Variants in SLC6A17 observed in about 807,000 individuals in gnomAD.
SLC6A17 encodes the protein sodium-dependent neutral amino acid transporter SLC6A17.
SLC6A17 carries 21 observed loss-of-function variants against 64.5 expected under a neutral mutation model. That is an observed-to-expected ratio of 0.33 (90% confidence interval 0.23 to 0.47). SLC6A17 has a LOEUF of 0.47. SLC6A17 is among the 20% of genes least tolerant of loss of function. The pLI is 1.00. For missense variants in SLC6A17, 682 were observed against 963.2 expected (o/e 0.71, Z 3.86); for synonymous variants, 372 against 399.5 (o/e 0.93, Z 0.82).
At chr1:110,174,691 C>T (rs1445396774) in intron 4 of SLC6A17, 88 bp from the exon 5 acceptor site, 2 of 1,503,576 alleles carry the variant, frequency 1.3e-6, no homozygotes, top group African/African-American at 2.8e-5. Context: ...GCTCCCTCAC[C>T]CACTGCTGCC....
intron 5 of SLC6A17, among the ~76,000 whole-genome samples, chr1:110,175,653 C>T (rs375802773): frequency 9.8e-5 from 15 of 152,336 alleles, no homozygotes; most frequent in Middle Eastern, 6.8e-3. Context: ...TAACATCACG[C>T]AGCCAGTCAG....
In SLC6A17 at chr1:110,200,451, G is replaced by A. The variant is rs1327559689; in HGVS notation, c.*2007G>A. The A allele has an allele frequency of 2.1e-5, 5 of 232,696 alleles. No individual in the cohort carries two copies. Among genetic ancestry groups the A allele is most frequent in the African/African-American group, 1.1e-4 (5 of 44,508 alleles). 14.4% of individuals were successfully genotyped at this position (232,696 alleles called of 1,614,324 possible). A position where few individuals can be genotyped will look rare whatever the true frequency, so the allele number is the denominator to read the frequency against. ...TAGCAACAGGAAAAGCAGAGCCCCA[G>A]GAGAGACACTCTACTATATATACTC... is the stretch of plus-strand genomic sequence containing the variant. On this transcript the variant is annotated 3_prime_UTR_variant, in exon 12 of 12. Coordinates refer to ENST00000331565, the MANE Select transcript of SLC6A17 (RefSeq NM_001010898.4).
intron 6 of SLC6A17, among the ~76,000 whole-genome samples, chr1:110,181,165 A>T (rs1557836911): frequency 6.6e-6 from 1 of 152,200 alleles, no homozygotes; most frequent in Non-Finnish European, 1.5e-5. Context: ...CCAGGTCAGC[A>T]TGGGCTACCT....
intron 1 of SLC6A17, among the ~76,000 whole-genome samples, chr1:110,159,082 G>A (rs1341805920): frequency 6.6e-5 from 10 of 152,162 alleles, no homozygotes; most frequent in Admixed American, 3.9e-4. Context: ...TATAATTACT[G>A]GCGGGATTAA....
intron 6 of SLC6A17, among the ~76,000 whole-genome samples, chr1:110,183,553 A>G (rs1393067939): frequency 6.6e-6 from 1 of 152,216 alleles, no homozygotes; most frequent in Admixed American, 6.5e-5. Context: ...TGAGTGTGGT[A>G]ATAGTTACAC....
At chr1:110,185,903 G>A (rs1251582417) in intron 6 of SLC6A17, among the ~76,000 whole-genome samples, 2 of 152,198 alleles carry the variant, frequency 1.3e-5, no homozygotes, top group Non-Finnish European at 2.9e-5. Context: ...CCTCTGAGCT[G>A]CAGGCTGGAA....
At chr1:110,173,293 T>C (rs1244224575) in intron 3 of SLC6A17, among the ~76,000 whole-genome samples, 1 of 152,186 alleles carries the variant, frequency 6.6e-6, no homozygotes, top group African/African-American at 2.4e-5. Context: ...GTCTCACTGA[T>C]GCAGGAGACA....
At chr1:110,193,680 G>A (rs375930632) in intron 8 of SLC6A17, among the ~76,000 whole-genome samples, 3 of 152,356 alleles carry the variant, frequency 2.0e-5, no homozygotes, top group African/African-American at 7.2e-5. Context: ...CGGATCAAGA[G>A]CAAAAGAGCC....
intron 2 of SLC6A17, 125 bp from the exon 3 acceptor site, chr1:110,171,935 G>A: frequency 7.9e-7 from 1 of 1,270,930 alleles, no homozygotes; most frequent in Non-Finnish European, 1.1e-6. Context: ...AGGAGCACCG[G>A]GACTGGTGAC....
intron 6 of SLC6A17, among the ~76,000 whole-genome samples, chr1:110,179,598 G>A (rs966270799): frequency 6.2e-4 from 76 of 122,864 alleles, no homozygotes; most frequent in African/African-American, 2.3e-3. Flanking sequence ...TTGTTGCCCA[G>A]TCTGAAGTGC....
intron 6 of SLC6A17, among the ~76,000 whole-genome samples, chr1:110,186,995 A>G (rs1656702065): frequency 6.6e-6 from 1 of 152,244 alleles, no homozygotes; most frequent in African/African-American, 2.4e-5. Flanking sequence ...AAGAGGAGTA[A>G]GTTACCTGCA....
intron 3 of SLC6A17, 80 bp from the exon 4 acceptor site, chr1:110,173,893 G>GACAA: frequency 1.9e-6 from 3 of 1,558,082 alleles, no homozygotes; most frequent in Admixed American, 1.9e-5. Flanking sequence ...CGCTGCCGAC[G>GACAA]TGCTGGGCCT....
At chr1:110,153,867 C>T (rs1655678786) in intron 1 of SLC6A17, among the ~76,000 whole-genome samples, 1 of 151,552 alleles carries the variant, frequency 6.6e-6, no homozygotes, top group Admixed American at 6.5e-5. Context: ...CACAGCCAAA[C>T]ATCTGGAGCA....
intron 2 of SLC6A17, among the ~76,000 whole-genome samples, chr1:110,171,707 G>A (rs1387778274): frequency 3.3e-5 from 5 of 152,090 alleles, no homozygotes; most frequent in Admixed American, 2.0e-4. Flanking sequence ...AGCTGTCCAC[G>A]GAGCGCCTCA....
chr1:110,167,884 A>G (rs1401127867), intron 2 of SLC6A17, among the ~76,000 whole-genome samples: 1 of 152,190 alleles, frequency 6.6e-6, no homozygotes, highest in Non-Finnish European at 1.5e-5. Flanking sequence ...AGCTAGTGAT[A>G]AAGTCAGGAT....
chr1:110,155,685 A>T, intron 1 of SLC6A17, among the ~76,000 whole-genome samples: 1 of 152,206 alleles, frequency 6.6e-6, no homozygotes, highest in Admixed American at 6.5e-5. Flanking sequence ...TTATTTGAAG[A>T]TAACAAGTTG....
intron 6 of SLC6A17, among the ~76,000 whole-genome samples, chr1:110,179,488 G>A (rs904048878): frequency 6.6e-6 from 1 of 151,278 alleles, no homozygotes; most frequent in South Asian, 2.1e-4. Flanking sequence ...TGAGCAGTAG[G>A]GGGTGCTTCT....
intron 2 of SLC6A17, among the ~76,000 whole-genome samples, chr1:110,170,780 G>A (rs537636108): frequency 1.4e-4 from 21 of 152,248 alleles, no homozygotes; most frequent in African/African-American, 4.8e-4. Flanking sequence ...TTCCTGACTA[G>A]CTCCATTGGA....
chr1:110,175,303 C>G (rs898970483), intron 5 of SLC6A17, among the ~76,000 whole-genome samples: 21 of 152,208 alleles, frequency 1.4e-4, no homozygotes, highest in Non-Finnish European at 2.1e-4. Flanking sequence ...AGAGCAAAAG[C>G]CCTAGAAGAG....
Sources: allele counts gnomAD v4.1 joint callset (sites outside exome capture counted in the v4.1 genomes callset), GRCh38; gene constraint gnomAD v4.1.1; transcripts MANE v1.5; gene names NCBI Gene and HGNC (gene_info 2026-07-23, HGNC 2026-07-21).